Variants in IFT81 observed in about 807,000 individuals in gnomAD.
IFT81 encodes the protein intraflagellar transport protein 81 homolog.
In IFT81, 72 loss-of-function variants were observed where a neutral mutation model predicts 102.6. The ratio of observed to expected loss-of-function variants is 0.70; its 90% CI spans 0.58 to 0.85. The LOEUF (loss-of-function observed/expected upper bound fraction) is 0.85. Among genes scored for constraint, IFT81 ranks in the 40% least tolerant of loss-of-function variants. IFT81 has a pLI of 0.00. For synonymous variants in IFT81, 237 were observed against 242.7 expected, an observed-to-expected ratio of 0.98 and a Z score of 0.22; for missense variants, 723 against 787.3, an observed-to-expected ratio of 0.92 and a Z score of 0.98.
At position 110,129,087 on chromosome 12, in the gene IFT81, G is replaced by T; in HGVS notation, c.386G>T (p.Ser129Ile). The T allele has an allele frequency of 6.2e-7, 1 of 1,605,312 alleles. No individual in the cohort carries two copies. The highest frequency in any genetic ancestry group is 8.5e-7 in the Non-Finnish European group (1 of 1,177,670). ...TTTTTAATAAAACTTGAGGTACCAA[G>T]TGAGTTTCTTCAGGATGAAACTGTG... ...ARFLIKLEVP[S>I]EFLQDETVAD... Residue 129 changes from serine (S) to isoleucine (I), a missense_variant, in exon 4 of 19, where the codon AGT becomes ATT. Ser to Ile is a moderately radical substitution (Grantham distance 142). Coordinates refer to ENST00000242591, the MANE Select transcript of IFT81 (RefSeq NM_014055.4).
chr12:110,218,563 G>A lies in IFT81; in HGVS notation c.*337G>A. The A allele has an allele frequency of 5.9e-6, 1 of 168,084 alleles. No individual in the cohort carries two copies. The highest frequency in any genetic ancestry group is 2.4e-5 in the African/African-American group (1 of 42,206). 10.4% of individuals were successfully genotyped at this position (168,084 alleles called of 1,614,324 possible). On this transcript the variant is annotated 3_prime_UTR_variant, in exon 19 of 19. Coordinates refer to ENST00000242591, the MANE Select transcript of IFT81 (RefSeq NM_014055.4). ...GAATGTAATAACCCAGTGGCTTACTGTTTTTCTTAATCTCTTTTAAAAAAA... is the reference window on the plus strand; with the variant it reads ...GAATGTAATAACCCAGTGGCTTACTATTTTTCTTAATCTCTTTTAAAAAAA...
chr12:110,160,308 G>A (rs1249047946), intron 10 of IFT81, among the ~76,000 whole-genome samples: 1 of 152,182 alleles, frequency 6.6e-6, no homozygotes, highest in African/African-American at 2.4e-5. Context: ...AAGGCCAAAA[G>A]CCTCAAAACC....
intron 10 of IFT81, among the ~76,000 whole-genome samples, chr12:110,150,264 G>A (rs951068005): frequency 6.6e-6 from 1 of 151,832 alleles, no homozygotes; most frequent in Non-Finnish European, 1.5e-5. Context: ...ATTCCACCAC[G>A]TCCGGCTCAT....
Position 110,207,162 on chromosome 12 carries a change from C to A in IFT81, c.1802+1482C>A, listed in dbSNP as rs372742823. Among the ~76,000 whole-genome samples, 13 of 152,198 alleles carry A rather than the reference C, an allele frequency of 8.5e-5. No homozygotes were observed. The East Asian group carries it at 1.7e-3, about 20-fold the overall frequency. On this transcript the variant is annotated intron_variant, in intron 17 of 18. Transcript: ENST00000242591. ...TCTCCTGCCTCAGCCTCCCAAGTAG[C>A]TGGGATTACAGGCACACGCCACTGT...
rs552157832 is a variant in IFT81, at chr12:110,147,959, A to C, written c.1041+911A>C. Reference sequence around the variant, plus strand: ...TCAGAAAATATTCAGTCAGCCAGGAAATCAATGACATTCCCTTGTCTCTCT... The same window carrying C: ...TCAGAAAATATTCAGTCAGCCAGGACATCAATGACATTCCCTTGTCTCTCT... On this transcript the variant is annotated intron_variant, in intron 10 of 18. Transcript: ENST00000242591. 7.9e-5 allele frequency among the ~76,000 whole-genome samples: 12 copies of C among 152,340 alleles called. No individual in the cohort carries two copies. In the South Asian group the frequency reaches 2.5e-3, roughly 32 times the overall value.
intron 14 of IFT81, chr12:110,203,541 T>C (rs1898414036): frequency 4.1e-6 from 1 of 246,610 alleles, no homozygotes; most frequent in Non-Finnish European, 8.0e-6. Flanking sequence ...ACACCTTGTG[T>C]TTTCCTATCA....
At chr12:110,204,952 G>A (rs1470286798) in intron 15 of IFT81, 1 of 153,850 alleles carries the variant, frequency 6.5e-6, no homozygotes, top group Non-Finnish European at 1.4e-5. Context: ...TGTATGATTG[G>A]GCCAGATGCA....
intron 18 of IFT81, among the ~76,000 whole-genome samples, chr12:110,217,238 T>G (rs1264701051): frequency 1.3e-5 from 2 of 152,008 alleles, no homozygotes; most frequent in African/African-American, 2.4e-5. Context: ...AGAGATAGGG[T>G]TTCACCTTGT....
chr12:110,143,105 C>T (rs915462786), intron 8 of IFT81, among the ~76,000 whole-genome samples: 3 of 151,874 alleles, frequency 2.0e-5, no homozygotes, highest in African/African-American at 7.3e-5. Context: ...TTGCGTATTG[C>T]GGGATATAAA....
chr12:110,174,700 A>G (rs988731737), intron 11 of IFT81, among the ~76,000 whole-genome samples: 1 of 152,228 alleles, frequency 6.6e-6, no homozygotes, highest in Non-Finnish European at 1.5e-5. Context: ...AAATGGTTAC[A>G]TTCTTAGAGA....
At chr12:110,131,303 AT>A (rs1269849406) in intron 4 of IFT81, among the ~76,000 whole-genome samples, 13 of 151,798 alleles carry the variant, frequency 8.6e-5, no homozygotes, top group Non-Finnish European at 1.6e-4. Context: ...AAAAAAAACT[AT>A]TTTAAAAAAT....
chr12:110,131,150 C>T (rs1486821251), intron 4 of IFT81, among the ~76,000 whole-genome samples: 3 of 151,840 alleles, frequency 2.0e-5, no homozygotes, highest in African/African-American at 4.8e-5. Context: ...AGCATGGTGA[C>T]GTAAGCTTGT....
chr12:110,184,466 A>G (rs1018331645), intron 12 of IFT81, among the ~76,000 whole-genome samples: 1 of 152,172 alleles, frequency 6.6e-6, no homozygotes, highest in African/African-American at 2.4e-5. Flanking sequence ...TATAGTTACT[A>G]TTTCTCCTCA....
At chr12:110,179,769 T>TATATATAC (rs1897230806) in intron 11 of IFT81, among the ~76,000 whole-genome samples, 1 of 65,386 alleles carries the variant, frequency 1.5e-5, no homozygotes, top group Non-Finnish European at 3.0e-5. Context: ...TATATATATA[T>TATATATAC]ATATACACAC....
chr12:110,190,892 T>C (rs1417996933), intron 12 of IFT81, 28 bp from the exon 13 acceptor site: 1 of 1,479,688 alleles, frequency 6.8e-7, no homozygotes, highest in South Asian at 1.5e-5. Flanking sequence ...TTGACATGTT[T>C]TGTGGCCTTT....
chr12:110,198,180 C>A (rs1183685086), intron 14 of IFT81, among the ~76,000 whole-genome samples: 1 of 151,944 alleles, frequency 6.6e-6, no homozygotes, highest in Non-Finnish European at 1.5e-5. Flanking sequence ...TTTTCTTTTT[C>A]CTGAAATACA....
intron 13 of IFT81, among the ~76,000 whole-genome samples, chr12:110,191,420 C>T (rs1897790711): frequency 6.6e-6 from 1 of 152,152 alleles, no homozygotes; most frequent in Non-Finnish European, 1.5e-5. Context: ...ATCCACCTGC[C>T]TCAGCCTCCC....
At chr12:110,158,884 G>T (rs867785733) in intron 10 of IFT81, among the ~76,000 whole-genome samples, 2 of 151,690 alleles carry the variant, frequency 1.3e-5, no homozygotes, top group African/African-American at 4.8e-5. Flanking sequence ...CACCGCGCCC[G>T]GCCAATTTTT....
chr12:110,128,105 T>C lies in IFT81; in HGVS notation c.204T>C (p.Leu68=). ...PEQTAKRMLS[L]LGILKYKPSG... is the part of the protein sequence containing the mutation. ...AGACAGCCAAACGAATGTTGAGCCT[T>C]CTTGGTATTCTTAAGTACAAACCTT... The change falls in exon 3 of 19, where the codon CTT becomes CTC. Residue 68 remains leucine, a synonymous_variant. Coordinates refer to ENST00000242591, the MANE Select transcript of IFT81 (RefSeq NM_014055.4). 1 of 1,613,604 alleles carries C rather than the reference T, an allele frequency of 6.2e-7. No individual in the cohort carries two copies. The highest frequency in any genetic ancestry group is 8.5e-7 in the Non-Finnish European group (1 of 1,179,544).
Sources: gnomAD v4.1 joint callset for allele counts (sites outside exome capture counted in the v4.1 genomes callset) on GRCh38, gnomAD v4.1.1 for gene constraint, MANE v1.5 for transcripts, NCBI Gene and HGNC (gene_info 2026-07-23, HGNC 2026-07-21) for gene names.